Variants in KRT8 observed in about 807,000 individuals in gnomAD.
KRT8 encodes the protein keratin, type II cytoskeletal 8.
A neutral mutation model predicts 43.0 loss-of-function variants in KRT8; 24 were observed. The observed-to-expected ratio is 0.56, with a 90% CI of 0.40 to 0.78. The LOEUF (loss-of-function observed/expected upper bound fraction) is 0.78, where lower values mean the gene tolerates loss of function less well. Ranked by LOEUF, KRT8 falls within the 30% of genes least tolerant of loss-of-function variation. The pLI is 0.00. For missense variants in KRT8, 492 were observed against 638.4 expected (o/e 0.77, Z 2.47); for synonymous variants, 214 against 261.2 (o/e 0.82, Z 1.74).
chr12:52,902,732 C>G (rs1159009302), intron 1 of KRT8, among the ~76,000 whole-genome samples: 1 of 151,942 alleles, frequency 6.6e-6, no homozygotes, highest in Non-Finnish European at 1.5e-5. Context: ...GAAAAAGAGG[C>G]CGGGCGTGGA....
chr12:52,918,199 GAAGAAC>G (rs1289238840), intron 2 of KRT8, among the ~76,000 whole-genome samples: 2,867 of 121,380 alleles, frequency 0.024, 534 homozygotes, highest in African/African-American at 0.039. Flanking sequence ...AGAAGAAGAA[GAAGAAC>G]AAGAAGAAGA....
chr12:52,915,266 A>G (rs968627839), intron 2 of KRT8, among the ~76,000 whole-genome samples: 1 of 151,762 alleles, frequency 6.6e-6, no homozygotes, highest in African/African-American at 2.4e-5. Context: ...CCAGCTACTC[A>G]GGAGGCTGAG....
At chr12:52,948,974 G>T in intron 2 of KRT8, 1 of 470,130 alleles carries the variant, frequency 2.1e-6, no homozygotes, top group Non-Finnish European at 3.7e-6. Context: ...CGGAGGGCGC[G>T]GGGGTGGGGC....
Position 52,923,970 on chromosome 12 carries a change from G to T in KRT8, c.-46-18943C>A, listed in dbSNP as rs190627115. On this transcript the variant is annotated intron_variant, in intron 2 of 6. Coordinates refer to the KRT8 transcript ENST00000546826. The stretch of plus-strand genomic sequence containing the variant: ...AGCGATTCTCCTGCCTCAGCCTCCC[G>T]AGTAGCTGGGATTACAGGCGCCCGC... 7.4e-3 allele frequency among the ~76,000 whole-genome samples: 1,097 copies of T among 148,828 alleles called. 15 individuals are homozygous for T. The highest frequency in any genetic ancestry group is 0.025 in the African/African-American group (1,034 of 40,556).
At chr12:52,930,393 G>T (rs1942063865) in intron 2 of KRT8, among the ~76,000 whole-genome samples, 3 of 152,002 alleles carry the variant, frequency 2.0e-5, no homozygotes, top group Non-Finnish European at 4.4e-5. Context: ...ACCTAATTTT[G>T]TATTTTTAGT....
chr12:52,902,553 A>G (rs1941398905), intron 1 of KRT8, among the ~76,000 whole-genome samples: 2 of 151,936 alleles, frequency 1.3e-5, no homozygotes, highest in Non-Finnish European at 2.9e-5. Context: ...ACGCCCCACT[A>G]ATTTTTTTGT....
At chr12:52,941,317 C>T (rs533616260) in intron 2 of KRT8, among the ~76,000 whole-genome samples, 1 of 152,042 alleles carries the variant, frequency 6.6e-6, no homozygotes, top group Admixed American at 6.6e-5. Flanking sequence ...CTTAAGGTTT[C>T]CTTGAAACCT....
chr12:52,912,681 C>T (rs1299225597), intron 2 of KRT8, among the ~76,000 whole-genome samples: 1 of 152,226 alleles, frequency 6.6e-6, no homozygotes, highest in African/African-American at 2.4e-5. Flanking sequence ...GCCTCCATGT[C>T]TCATCCCACC....
chr12:52,925,925 G>T (rs1368184886), intron 2 of KRT8, among the ~76,000 whole-genome samples: 3 of 152,062 alleles, frequency 2.0e-5, no homozygotes, highest in Non-Finnish European at 4.4e-5. Context: ...CCCAGGTAGG[G>T]GAGGAAGGAG....
rs746616248 is a variant in KRT8, at chr12:52,902,097, A to G, written c.325-25T>C. ...CCTATACGAAGGAGGAGAGAGCAAA[A>G]AGGTCTACATCAGGCCAGGGCTCAA... On this transcript the variant is annotated intron_variant, in intron 1 of 7. Coordinates refer to ENST00000692008, the Ensembl canonical transcript of KRT8. 32 of 1,477,782 alleles carry G rather than the reference A, an allele frequency of 2.2e-5. 2 individuals are homozygous for G. The South Asian group carries it at 3.3e-4, about 15-fold the overall frequency. The allele number at this position is 1,477,782 out of a possible 1,614,324, so 91.5% of individuals were successfully genotyped here.
In KRT8 at chr12:52,897,454, C is replaced by CA. The variant is rs1156585421; in HGVS notation, c.1425dup (p.Glu476Ter). 3.1e-6 allele frequency: 5 copies of CA among 1,599,464 alleles called. No individual in the cohort carries two copies. Among genetic ancestry groups the CA allele is most frequent in the Non-Finnish European group, 4.2e-6 (5 of 1,179,932 alleles). ...CACTTGGGCAGGACGTCAGAGGACT[C>CA]AGACACCAGCTTCCCATCACGTGTC... On this transcript the variant is annotated frameshift_variant, in exon 8 of 8. Coordinates refer to ENST00000692008, the Ensembl canonical transcript of KRT8. LOFTEE classifies it high-confidence loss of function.
chr12:52,930,583 CAA>C (rs1358868122), intron 2 of KRT8, among the ~76,000 whole-genome samples: 2 of 151,296 alleles, frequency 1.3e-5, no homozygotes, highest in East Asian at 3.9e-4. Context: ...TTTTTTGAGA[CAA>C]AGTCTTACTC....
intron 2 of KRT8, among the ~76,000 whole-genome samples, chr12:52,929,517 T>G (rs1942050845): frequency 6.6e-6 from 1 of 152,134 alleles, no homozygotes; most frequent in African/African-American, 2.4e-5. Flanking sequence ...GACAATTCCT[T>G]TGGCTTCCTG....
At chr12:52,905,210 G>T, upstream of KRT8, 1 of 691,660 alleles carries the variant, frequency 1.4e-6, no homozygotes, top group Non-Finnish European at 2.3e-6. Flanking sequence ...GGGGGCAGCA[G>T]AGAGCTGCCG....
intron 2 of KRT8, among the ~76,000 whole-genome samples, chr12:52,943,386 ATTC>A (rs150248673): frequency 0.026 from 4,004 of 151,948 alleles, 156 homozygotes; most frequent in African/African-American, 0.089. Flanking sequence ...CTTGAACCTC[ATTC>A]TTCTTGGCTT....
Position 52,926,537 on chromosome 12 carries a change from C to T in KRT8, c.-46-21510G>A, listed in dbSNP as rs903888757. On this transcript the variant is annotated intron_variant, in intron 2 of 6. Transcript: ENST00000546826. ...TCACCTCTGCCGGAAGTGGCCACTC[C>T]TATAGAGACCCCAAGAATAGGGCTT... The T allele has an allele frequency of 2.3e-6, 3 of 1,299,216 alleles. No homozygotes were observed. The African/African-American group carries it at 4.4e-5, about 19-fold the overall frequency. The allele number at this position is 1,299,216 out of a possible 1,614,324, so 80.5% of individuals were successfully genotyped here. A position where few individuals can be genotyped will look rare whatever the true frequency, so the allele number is the denominator to read the frequency against.
intron 2 of KRT8, among the ~76,000 whole-genome samples, chr12:52,918,156 G>GGAAGAAGAAGAGGAAGAGGAA (rs1941792599): frequency 1.5e-5 from 1 of 68,060 alleles, no homozygotes; most frequent in Non-Finnish European, 2.8e-5. Context: ...AGGGAGAAGG[G>GGAAGAAGAAGAGGAAGAGGAA]GAAGAAGAAG....
chr12:52,918,950 T>C (rs891133039), intron 2 of KRT8, among the ~76,000 whole-genome samples: 8 of 152,160 alleles, frequency 5.3e-5, no homozygotes, highest in Non-Finnish European at 1.0e-4. Context: ...CTGCTGCCTC[T>C]TCCCAGGGTA....
intron 2 of KRT8, among the ~76,000 whole-genome samples, chr12:52,915,012 T>TAGACC (rs1192695915): frequency 3.3e-5 from 5 of 152,146 alleles, no homozygotes; most frequent in African/African-American, 4.8e-5. Context: ...TTGACTAGAC[T>TAGACC]AGACCACATA....
Sources: gnomAD v4.1 joint callset for allele counts (sites outside exome capture counted in the v4.1 genomes callset) on GRCh38, gnomAD v4.1.1 for gene constraint, MANE v1.5 for transcripts, NCBI Gene and HGNC (gene_info 2026-07-23, HGNC 2026-07-21) for gene names.